Variants in INPP4B observed in about 807,000 individuals in gnomAD.
INPP4B encodes inositol polyphosphate 4-phosphatase type II.
Under a neutral mutation model 122.5 loss-of-function variants are expected in INPP4B, and 55 were observed. That is an observed-to-expected ratio of 0.45 (90% CI 0.36 to 0.56). The LOEUF is 0.56. INPP4B is among the 20% of genes least tolerant of loss of function. The pLI is 0.00. For missense variants in INPP4B, 1,000 were observed against 1,097.7 expected (o/e 0.91, Z 1.26); for synonymous variants, 403 against 388.7 (o/e 1.04, Z -0.43).
At chr4:142,624,517 C>T (rs912654015) in intron 2 of INPP4B, among the ~76,000 whole-genome samples, 1 of 151,992 alleles carries the variant, frequency 6.6e-6, no homozygotes, top group Non-Finnish European at 1.5e-5. Flanking sequence ...GAGTCCAGGA[C>T]CAGATGGATT....
chr4:142,478,625 C>T (rs1452959376), intron 2 of INPP4B, among the ~76,000 whole-genome samples: 2 of 152,034 alleles, frequency 1.3e-5, no homozygotes, highest in Non-Finnish European at 2.9e-5. Flanking sequence ...ACTTGCATCC[C>T]AGAGATAAAG....
chr4:142,827,449 T>C (rs147966041), intron 1 of INPP4B, among the ~76,000 whole-genome samples: 74 of 152,298 alleles, frequency 4.9e-4, no homozygotes, highest in African/African-American at 1.6e-3. Context: ...AATAATAATT[T>C]GTTACCATTC....
At chr4:142,087,233 C>A (rs1348756354) in intron 23 of INPP4B, among the ~76,000 whole-genome samples, 1 of 152,036 alleles carries the variant, frequency 6.6e-6, no homozygotes, top group East Asian at 1.9e-4. Context: ...TGAGAACCAG[C>A]ACTATAAAGA....
At chr4:142,195,134 G>A (rs966806664) in intron 14 of INPP4B, among the ~76,000 whole-genome samples, 1 of 152,196 alleles carries the variant, frequency 6.6e-6, no homozygotes, top group Non-Finnish European at 1.5e-5. Context: ...TGGAAACTCT[G>A]CCATCTGCAA....
intron 2 of INPP4B, among the ~76,000 whole-genome samples, chr4:142,681,649 G>A (rs1191578879): frequency 6.6e-6 from 1 of 151,778 alleles, no homozygotes; most frequent in South Asian, 2.1e-4. Context: ...AAACCAAAAG[G>A]TTTTCAAGGT....
chr4:142,628,419 G>T (rs1747051977), intron 2 of INPP4B, among the ~76,000 whole-genome samples: 1 of 61,822 alleles, frequency 1.6e-5, no homozygotes, highest in African/African-American at 4.9e-5. Flanking sequence ...TGTGGGGTGG[G>T]GGGAGGGGGG....
chr4:142,661,987 A>G (rs1755251467), intron 2 of INPP4B, among the ~76,000 whole-genome samples: 1 of 152,082 alleles, frequency 6.6e-6, no homozygotes, highest in Non-Finnish European at 1.5e-5. Flanking sequence ...TAATCCCAGC[A>G]CGTTGGGAGG....
At chr4:142,201,412 C>G (rs561964495) in intron 14 of INPP4B, among the ~76,000 whole-genome samples, 4 of 152,188 alleles carry the variant, frequency 2.6e-5, no homozygotes, top group African/African-American at 9.6e-5. Context: ...CTTAGGTAAT[C>G]TTCTTAATAT....
At chr4:142,461,846 G>A (rs1816806482) in intron 3 of INPP4B, among the ~76,000 whole-genome samples, 1 of 151,926 alleles carries the variant, frequency 6.6e-6, no homozygotes, top group African/African-American at 2.4e-5. Context: ...GTGAGGTCAG[G>A]TGACAGATTC....
intron 11 of INPP4B, among the ~76,000 whole-genome samples, chr4:142,259,452 G>T (rs1738495958): frequency 6.6e-6 from 1 of 151,482 alleles, no homozygotes; most frequent in Non-Finnish European, 1.5e-5. Context: ...GGTAAGTGTT[G>T]AATTTCAATT....
intron 2 of INPP4B, among the ~76,000 whole-genome samples, chr4:142,562,105 T>C (rs1693587636): frequency 1.3e-5 from 2 of 152,158 alleles, no homozygotes; most frequent in African/African-American, 2.4e-5. Flanking sequence ...GGTTTTAACA[T>C]AGAGGAAAGC....
intron 7 of INPP4B, among the ~76,000 whole-genome samples, chr4:142,395,231 G>A (rs1798982115): frequency 6.6e-6 from 1 of 152,158 alleles, no homozygotes; most frequent in Non-Finnish European, 1.5e-5. Context: ...ACTTTGATAT[G>A]TAAATTCCAG....
chr4:142,260,681 A>G (rs555587827), intron 10 of INPP4B, 117 bp from the exon 11 acceptor site: 4 of 662,184 alleles, frequency 6.0e-6, no homozygotes, highest in Admixed American at 3.3e-5. Flanking sequence ...TTTTGAATAA[A>G]ATACTTTTTA....
chr4:142,610,244 T>C (rs1213381320), intron 2 of INPP4B, among the ~76,000 whole-genome samples: 2 of 152,198 alleles, frequency 1.3e-5, no homozygotes, highest in African/African-American at 4.8e-5. Flanking sequence ...CCTGCCACCA[T>C]GTAAGACGTG....
At chr4:142,506,143 T>C (rs1402267888) in intron 2 of INPP4B, among the ~76,000 whole-genome samples, 2 of 152,210 alleles carry the variant, frequency 1.3e-5, no homozygotes, top group African/African-American at 4.8e-5. Context: ...CTGCCATCAA[T>C]GTATACAAGT....
rs1477598276 is a variant in INPP4B at position 142,024,661 on chromosome 4, T to TAAC, written c.*4118_*4120dup. 6.6e-6 allele frequency: 1 copy of TAAC among 152,160 alleles called. No homozygotes were observed. Among genetic ancestry groups the TAAC allele is most frequent in the Non-Finnish European group, 1.5e-5 (1 of 68,018 alleles). 9.4% of individuals were successfully genotyped at this position (152,160 alleles called of 1,614,324 possible). On this transcript the variant is annotated 3_prime_UTR_variant, in exon 26 of 26. Transcript: ENST00000262992. ...GTGCCAGAGTGTAATTTGTTTAATG[T>TAAC]AACAGTTTTGGTTTCAATTGAGCTA... is the stretch of plus-strand genomic sequence containing the variant.
intron 25 of INPP4B, among the ~76,000 whole-genome samples, chr4:142,077,046 C>G (rs1211621261): frequency 6.6e-6 from 1 of 151,932 alleles, no homozygotes; most frequent in Non-Finnish European, 1.5e-5. Flanking sequence ...ACTTATAAAG[C>G]AGAATACTTC....
chr4:142,260,503 A>G lies in INPP4B; in HGVS notation c.677T>C (p.Phe226Ser), dbSNP rs1401317728. Reference sequence around the variant, plus strand: ...ACTGAGTTACATACCTGAATTCAAAAAAGGTAAGTTATCTTTTCCGCTCAC... The same window carrying G: ...ACTGAGTTACATACCTGAATTCAAAGAAGGTAAGTTATCTTTTCCGCTCAC... ...ESVSGKDNLP[F>S]LNSVLKNPVC... The change falls in exon 11 of 26, where the codon TTT (phenylalanine) becomes TCT (serine). Residue 226 changes from phenylalanine to serine, a missense_variant. By Grantham distance (155) the Phe-to-Ser change is radical. Coordinates refer to ENST00000262992, the MANE Select transcript of INPP4B (RefSeq NM_001101669.3). 6.2e-7 allele frequency: 1 copy of G among 1,602,778 alleles called. No homozygotes were observed. The highest frequency in any genetic ancestry group is 1.1e-5 in the South Asian group (1 of 90,512).
At chr4:142,230,659 A>G (rs55994750) in intron 12 of INPP4B, among the ~76,000 whole-genome samples, 61 of 149,184 alleles carry the variant, frequency 4.1e-4, no homozygotes, top group African/African-American at 1.5e-3. Context: ...AAAAAAAAAA[A>G]AAAAAGAAAA....
Sources: allele counts gnomAD v4.1 joint callset (sites outside exome capture counted in the v4.1 genomes callset), GRCh38; gene constraint gnomAD v4.1.1; transcripts MANE v1.5; gene names NCBI Gene and HGNC (gene_info 2026-07-23, HGNC 2026-07-21).